The following EDDM3A variants were observed in gnomAD, a reference collection of about 807,000 sequenced individuals.
The protein encoded by EDDM3A is epididymal protein 3A.
For synonymous variants in EDDM3A, 75 were observed against 60.4 expected, an observed-to-expected ratio of 1.24 and a Z score of -1.12; for missense variants, 199 against 177.4, an observed-to-expected ratio of 1.12 and a Z score of -0.69.
At chr14:20,742,398 G>T (rs762638001), upstream of EDDM3A, among the ~76,000 whole-genome samples, 2 of 152,178 alleles carry the variant, frequency 1.3e-5, no homozygotes, top group African/African-American at 4.8e-5. Context: ...TGGTCCTCGC[G>T]TAAGAAATCT....
chr14:20,740,620 T>C, the EDDM3A span, among the ~76,000 whole-genome samples: 1 of 152,176 alleles, frequency 6.6e-6, no homozygotes, highest in Non-Finnish European at 1.5e-5. Flanking sequence ...ATTCCTGGGC[T>C]CTTTGGGTTT....
At chr14:20,740,000 C>T in the EDDM3A span, among the ~76,000 whole-genome samples, 1 of 152,156 alleles carries the variant, frequency 6.6e-6, no homozygotes, top group Non-Finnish European at 1.5e-5. Flanking sequence ...ATGCAACTGG[C>T]TCAGAAGAAT....
At position 20,747,639 on chromosome 14, in the gene EDDM3A, G is replaced by C. The variant is rs900323684; in HGVS notation, c.59G>C (p.Arg20Thr). The change falls in exon 2 of 2, where the codon AGG becomes ACG. Residue 20 changes from arginine (R) to threonine (T), a missense_variant. By Grantham distance (71) the Arg-to-Thr change is moderately conservative. Transcript: ENST00000326842. The part of the protein sequence containing the change: ...ILLALLCILC[R>T]LCVYSNNIYW... ...TTGGCCCTGCTTTGCATCCTTTGCA[G>C]GCTGTGTGTATACAGTAACAACATT... 6.2e-7 allele frequency: 1 copy of C among 1,613,962 alleles called. No homozygotes were observed. The highest frequency in any genetic ancestry group is 2.2e-5 in the East Asian group (1 of 44,878).
chr14:20,737,010 G>C, the EDDM3A span, among the ~76,000 whole-genome samples: 1 of 151,354 alleles, frequency 6.6e-6, no homozygotes, highest in Non-Finnish European at 1.5e-5. Context: ...ACCAGGCCTG[G>C]CCTAGAGATG....
chr14:20,747,565 G>A lies in EDDM3A; in HGVS notation c.-16G>A, dbSNP rs773157447. 1.3e-6 allele frequency: 2 copies of A among 1,577,278 alleles called. No individual in the cohort carries two copies. The highest frequency in any genetic ancestry group is 1.2e-5 in the South Asian group (1 of 85,132). Reference sequence around the variant, plus strand: ...TTCTCTTCCCTGTAGACACGCAGGTGGACGTGGTGACTGAGATGACATCCT... The same window carrying A: ...TTCTCTTCCCTGTAGACACGCAGGTAGACGTGGTGACTGAGATGACATCCT... On this transcript the variant is annotated 5_prime_UTR_variant, in exon 2 of 2. Coordinates refer to ENST00000326842, the MANE Select transcript of EDDM3A (RefSeq NM_006683.5).
the EDDM3A span, among the ~76,000 whole-genome samples, chr14:20,738,050 G>A: frequency 3.3e-5 from 5 of 152,212 alleles, no homozygotes. Context: ...TGAGGAGTCA[G>A]TGTATCTACA....
At chr14:20,742,302 CAAT>C (rs1377472859), upstream of EDDM3A, among the ~76,000 whole-genome samples, 5 of 152,242 alleles carry the variant, frequency 3.3e-5, no homozygotes, top group African/African-American at 1.2e-4. Flanking sequence ...GAGTCTTAAA[CAAT>C]ACCACCTGAG....
the EDDM3A span, among the ~76,000 whole-genome samples, chr14:20,737,319 C>A: frequency 1.3e-5 from 2 of 152,152 alleles, no homozygotes; most frequent in Admixed American, 1.3e-4. Context: ...ACCTCGGCTT[C>A]CCAAAGTCCT....
upstream of EDDM3A, among the ~76,000 whole-genome samples, chr14:20,745,450 C>T (rs572860807): frequency 2.0e-5 from 3 of 149,636 alleles, no homozygotes; most frequent in African/African-American, 4.9e-5. Flanking sequence ...GGGGTGAACC[C>T]GGGAGGCGGA....
upstream of EDDM3A, among the ~76,000 whole-genome samples, chr14:20,742,834 T>C (rs1162699414): frequency 6.6e-6 from 1 of 152,064 alleles, no homozygotes; most frequent in Non-Finnish European, 1.5e-5. Context: ...TGGCCTCAAG[T>C]GATCCTCCCA....
chr14:20,737,499 CCAT>C, the EDDM3A span, among the ~76,000 whole-genome samples: 24 of 152,196 alleles, frequency 1.6e-4, no homozygotes, highest in Non-Finnish European at 3.1e-4. Context: ...CCTCTATCAA[CCAT>C]ACACTCACAG....
chr14:20,747,733 T>G lies in EDDM3A; in HGVS notation c.153T>G (p.Asp51Glu). The change falls in exon 2 of 2, where the codon GAT (aspartate) becomes GAG (glutamate). Residue 51 changes from aspartate to glutamate, a missense_variant. By Grantham distance (45) the Asp-to-Glu change is conservative. Coordinates refer to ENST00000326842, the MANE Select transcript of EDDM3A (RefSeq NM_006683.5). ...PSREFKEYKC[D>E]VLMREKEALK... Reference sequence around the variant, plus strand: ...GAGAATTCAAAGAGTACAAATGTGATGTCCTCATGAGAGAAAAAGAGGCTC... The same window carrying G: ...GAGAATTCAAAGAGTACAAATGTGAGGTCCTCATGAGAGAAAAAGAGGCTC... 1 of 1,614,184 alleles carries G rather than the reference T, an allele frequency of 6.2e-7. No individual in the cohort carries two copies. The highest frequency in any genetic ancestry group is 1.1e-5 in the South Asian group (1 of 91,086).
chr14:20,738,029 T>G, the EDDM3A span, among the ~76,000 whole-genome samples: 14 of 152,208 alleles, frequency 9.2e-5, no homozygotes, highest in African/African-American at 3.4e-4. Context: ...TTTTTAGAAC[T>G]CTGGTCTCAA....
upstream of EDDM3A, among the ~76,000 whole-genome samples, chr14:20,742,026 C>G (rs896623977): frequency 1.1e-4 from 16 of 152,198 alleles, no homozygotes; most frequent in African/African-American, 3.9e-4. Flanking sequence ...AATACCTTAT[C>G]GATTTCTTGG....
intron 1 of EDDM3A, 22 bp from the exon 2 acceptor site, chr14:20,747,533 C>T (rs10136680): frequency 0.72 from 1,047,414 of 1,451,950 alleles, 379,275 homozygotes; most frequent in East Asian, 0.89. Context: ...CTGGTTAATG[C>T]TTTTCTTTCT....
chr14:20,740,483 G>C, the EDDM3A span, among the ~76,000 whole-genome samples: 2 of 152,262 alleles, frequency 1.3e-5, no homozygotes, highest in African/African-American at 4.8e-5. Context: ...TCCTTCTCCT[G>C]ATCTGCTGGC....
chr14:20,741,303 A>T (rs1877428573), upstream of EDDM3A, among the ~76,000 whole-genome samples: 1 of 152,258 alleles, frequency 6.6e-6, no homozygotes, highest in Non-Finnish European at 1.5e-5. Context: ...GATAAACATG[A>T]CATTTATTAG....
intron 1 of EDDM3A, among the ~76,000 whole-genome samples, chr14:20,747,007 A>G (rs1389322448): frequency 6.6e-6 from 1 of 151,184 alleles, no homozygotes; most frequent in East Asian, 2.0e-4. Context: ...GACAGGAGAT[A>G]TTTGAAATTC....
chr14:20,736,437 A>C, the EDDM3A span, among the ~76,000 whole-genome samples: 1 of 152,120 alleles, frequency 6.6e-6, no homozygotes, highest in African/African-American at 2.4e-5. Context: ...GTTCAAAATA[A>C]TATAGAGTTC....
Sources: allele counts gnomAD v4.1 joint callset (sites outside exome capture counted in the v4.1 genomes callset), GRCh38; gene constraint gnomAD v4.1.1; transcripts MANE v1.5; gene names NCBI Gene and HGNC (gene_info 2026-07-23, HGNC 2026-07-21).